Variants in SATL1 observed in about 807,000 individuals in gnomAD.
SATL1 encodes spermidine/spermine N(1)-acetyltransferase-like protein 1.
SATL1 carries 47 observed loss-of-function variants against 51.8 expected under a neutral mutation model. That is an observed-to-expected ratio of 0.91 (90% confidence interval 0.72 to 1.16). The LOEUF (loss-of-function observed/expected upper bound fraction) is 1.16. SATL1 is among the 50% of genes most tolerant of loss of function. SATL1 has a pLI of 0.00. For synonymous variants in SATL1, 176 were observed against 182.4 expected (o/e 0.97, Z 0.28); for missense variants, 520 against 526.4 (o/e 0.99, Z 0.12).
chrX:85,094,386 T>A, intron 5 of SATL1, among the ~76,000 whole-genome samples, 157 bp from the exon 6 acceptor site: 1 of 111,915 alleles, frequency 8.9e-6, no homozygotes, highest in East Asian at 2.8e-4. Flanking sequence ...GTAGAGGACT[T>A]AAGTCCCTTA....
chrX:85,163,575 G>A (rs1191250012), intron 2 of SATL1, among the ~76,000 whole-genome samples: 4 of 111,111 alleles, frequency 3.6e-5, no homozygotes, highest in Non-Finnish European at 7.6e-5. Context: ...ATAGTTTCGC[G>A]GGTTTCTTTG....
intron 2 of SATL1, among the ~76,000 whole-genome samples, chrX:85,121,503 A>C (rs1324154706): frequency 9.6e-6 from 1 of 104,173 alleles, no homozygotes; most frequent in Non-Finnish European, 1.9e-5. Flanking sequence ...AGTATATAGT[A>C]TATATACTAA....
At chrX:85,117,092 A>G (rs777810798) in intron 2 of SATL1, among the ~76,000 whole-genome samples, 4 of 111,784 alleles carry the variant, frequency 3.6e-5, no homozygotes, top group Non-Finnish European at 7.5e-5. Context: ...AGCCCAGCCC[A>G]TGGGAAGAAT....
At chrX:85,184,627 AGT>A (rs1229176079) in intron 2 of SATL1, among the ~76,000 whole-genome samples, 2 of 111,922 alleles carry the variant, frequency 1.8e-5, no homozygotes, top group African/African-American at 6.5e-5. Context: ...TGCATTCTTC[AGT>A]GTGTCAATTG....
intron 4 of SATL1, among the ~76,000 whole-genome samples, chrX:85,103,216 C>T (rs1169867199): frequency 9.0e-6 from 1 of 111,205 alleles, no homozygotes. Context: ...AAAGACTCCA[C>T]AAAACATCCC....
chrX:85,199,917 TTTA>T (rs1927654747), intron 2 of SATL1, among the ~76,000 whole-genome samples: 1 of 111,802 alleles, frequency 8.9e-6, no homozygotes, highest in Admixed American at 9.5e-5. Flanking sequence ...TCAACAATAA[TTTA>T]TTGTGTATTT....
intron 4 of SATL1, among the ~76,000 whole-genome samples, chrX:85,099,101 T>C (rs1305688030): frequency 2.7e-5 from 3 of 111,257 alleles, no homozygotes; most frequent in Non-Finnish European, 5.7e-5. Flanking sequence ...CTGCCAACAC[T>C]ACAACATTAA....
intron 4 of SATL1, among the ~76,000 whole-genome samples, chrX:85,099,568 T>A (rs1707780547): frequency 9.0e-6 from 1 of 111,398 alleles, no homozygotes; most frequent in South Asian, 3.8e-4. Flanking sequence ...GTGTGATTTA[T>A]CCTAGGAACG....
chrX:85,166,422 T>C (rs1399245788), intron 2 of SATL1, among the ~76,000 whole-genome samples: 2 of 110,934 alleles, frequency 1.8e-5, no homozygotes, highest in African/African-American at 3.3e-5. Context: ...CTCAAACAAA[T>C]CATCAAGAAA....
intron 2 of SATL1, among the ~76,000 whole-genome samples, chrX:85,161,949 T>C (rs779183335): frequency 3.6e-5 from 4 of 111,784 alleles, no homozygotes; most frequent in South Asian, 3.7e-4. Context: ...AGAACTGATA[T>C]CGTACCAACC....
At chrX:85,129,518 A>G (rs973568918) in intron 2 of SATL1, among the ~76,000 whole-genome samples, 3 of 111,883 alleles carry the variant, frequency 2.7e-5, no homozygotes, top group African/African-American at 6.5e-5. Context: ...CTTTGCTGAA[A>G]TTGCTTCTCA....
In SATL1 at chrX:85,166,941, ATGTGTGTGTGTG is replaced by A. The variant is rs60077558; in HGVS notation, c.-313+57252_-313+57263del. On this transcript the variant is annotated intron_variant, in intron 2 of 7. Transcript: ENST00000644105. ...TATATATATATATATATATATGTGT[ATGTGTGTGTGTG>A]TGTGTGTGTGTGTGTGTGTGTGTGT... Among the ~76,000 whole-genome samples the A allele has an allele frequency of 1.2e-3, 94 of 77,574 alleles. 1 individual carries two copies. The East Asian group carries it at 0.026, about 21-fold the overall frequency. 67.4% of individuals were successfully genotyped at this position (77,574 alleles called of 115,157 possible). A position where few individuals can be genotyped will look rare whatever the true frequency, so the allele number is the denominator to read the frequency against.
At chrX:85,115,541 C>A (rs151265824) in intron 2 of SATL1, among the ~76,000 whole-genome samples, 2 of 112,072 alleles carry the variant, frequency 1.8e-5, no homozygotes, top group East Asian at 5.7e-4. Flanking sequence ...CACAGAGGAG[C>A]CCATGTTTTT....
chrX:85,160,758 G>A (rs1460759219), intron 2 of SATL1, among the ~76,000 whole-genome samples: 3 of 110,892 alleles, frequency 2.7e-5, no homozygotes, highest in Non-Finnish European at 5.7e-5. Context: ...AACATATTTC[G>A]GGTTGTCATA....
At chrX:85,137,473 C>G (rs1925989697) in intron 2 of SATL1, among the ~76,000 whole-genome samples, 1 of 111,061 alleles carries the variant, frequency 9.0e-6, no homozygotes, top group African/African-American at 3.3e-5. Context: ...TTTTCTCCAC[C>G]TACACTGCCA....
At chrX:85,174,535 C>G (rs916180553) in intron 2 of SATL1, among the ~76,000 whole-genome samples, 1 of 110,517 alleles carries the variant, frequency 9.0e-6, no homozygotes, top group African/African-American at 3.3e-5. Flanking sequence ...ATTGATCAGG[C>G]TGGTCTCAAA....
chrX:85,204,450 A>T (rs1254278453), intron 2 of SATL1, among the ~76,000 whole-genome samples: 4 of 111,960 alleles, frequency 3.6e-5, no homozygotes, highest in Non-Finnish European at 7.5e-5. Flanking sequence ...TTTTTTTAAA[A>T]ATCCTGGATG....
intron 2 of SATL1, chrX:85,211,019 G>A (rs958454417): frequency 9.0e-6 from 1 of 111,252 alleles, no homozygotes; most frequent in Non-Finnish European, 1.9e-5. Flanking sequence ...CCCCTCAAGG[G>A]TGGTTGTGGG....
chrX:85,093,225 C>G lies in SATL1; in HGVS notation c.1877G>C (p.Gly626Ala). 8.6e-7 allele frequency: 1 copy of G among 1,162,443 alleles called. No homozygotes were observed. Among genetic ancestry groups the G allele is most frequent in the Non-Finnish European group, 1.1e-6 (1 of 869,722 alleles). ...EDFYVTQAYQ[G>A]LGIGAEMLKR... The stretch of plus-strand genomic sequence containing the variant: ...CAGCATTTCAGCTCCAATACCTAGG[C>G]CTTTTAAATAGACAATGCAAAGTGA... Residue 626 changes from glycine to alanine, a missense_variant and splice_region_variant, in exon 7 of 8, where the codon GGC becomes GCC. Physicochemically the swap from Gly to Ala is moderately conservative, Grantham distance 60. Transcript: ENST00000644105.
Sources: allele counts gnomAD v4.1 joint callset (sites outside exome capture counted in the v4.1 genomes callset), GRCh38; gene constraint gnomAD v4.1.1; transcripts MANE v1.5; gene names NCBI Gene and HGNC (gene_info 2026-07-23, HGNC 2026-07-21).